Variants in NRXN1 observed in about 807,000 individuals in gnomAD.
NRXN1 encodes neurexin 1.
Under a neutral mutation model 150.9 loss-of-function variants are expected in NRXN1, and 39 were observed. The observed-to-expected ratio is 0.26, with a 90% CI of 0.20 to 0.34. The LOEUF is 0.34. Among genes scored for constraint, NRXN1 ranks in the 10% least tolerant of loss-of-function variants. NRXN1 has a pLI of 1.00. For synonymous variants in NRXN1, 924 were observed against 757.0 expected, an observed-to-expected ratio of 1.22 and a Z score of -3.62; for missense variants, 1,815 against 1,949.9, an observed-to-expected ratio of 0.93 and a Z score of 1.30.
chr2:50,977,184 A>G (rs1234900913), intron 2 of NRXN1, among the ~76,000 whole-genome samples: 1 of 151,958 alleles, frequency 6.6e-6, no homozygotes, highest in Non-Finnish European at 1.5e-5. Flanking sequence ...TAAAAAGAAA[A>G]GGAAAGAGAA....
At chr2:50,684,638 G>A (rs1321477296) in intron 5 of NRXN1, among the ~76,000 whole-genome samples, 2 of 152,114 alleles carry the variant, frequency 1.3e-5, no homozygotes, top group Non-Finnish European at 2.9e-5. Context: ...CCTCGAAGGT[G>A]GCCATAAATT....
chr2:50,230,082 T>C (rs1284527739), intron 18 of NRXN1, among the ~76,000 whole-genome samples: 6 of 152,050 alleles, frequency 3.9e-5, no homozygotes, highest in Non-Finnish European at 8.8e-5. Context: ...GGTAATGTCC[T>C]AGGAATTGTT....
chr2:50,930,894 C>T (rs534427965), intron 2 of NRXN1, among the ~76,000 whole-genome samples: 2 of 152,280 alleles, frequency 1.3e-5, no homozygotes, highest in South Asian at 4.1e-4. Context: ...CTCAGGTGAG[C>T]AGTGCTTTCC....
chr2:50,588,982 T>C (rs528403392), intron 8 of NRXN1: 4 of 152,262 alleles, frequency 2.6e-5, no homozygotes, highest in African/African-American at 9.6e-5. Context: ...TATACCCGAA[T>C]GGTTCTTTTT....
intron 19 of NRXN1, among the ~76,000 whole-genome samples, chr2:50,060,627 C>G (rs376446490): frequency 2.8e-4 from 43 of 152,192 alleles, no homozygotes; most frequent in African/African-American, 1.0e-3. Context: ...CCCATAATCC[C>G]CATGTGTCAT....
At chr2:50,215,565 T>C (rs1481711270) in intron 18 of NRXN1, among the ~76,000 whole-genome samples, 1 of 152,048 alleles carries the variant, frequency 6.6e-6, no homozygotes. Context: ...TATCCTTTTA[T>C]TAGTCATGCC....
chr2:50,411,812 G>T (rs1163003265), intron 17 of NRXN1, among the ~76,000 whole-genome samples: 2 of 152,250 alleles, frequency 1.3e-5, no homozygotes, highest in African/African-American at 4.8e-5. Flanking sequence ...CGTCCCGGAG[G>T]TGTACCCAAC....
chr2:50,449,968 C>T (rs905031429), intron 17 of NRXN1, among the ~76,000 whole-genome samples: 13 of 152,288 alleles, frequency 8.5e-5, no homozygotes, highest in Admixed American at 3.9e-4. Context: ...TCTATGGCCA[C>T]ACAGATGCCA....
chr2:50,396,409 T>C (rs2082053483), intron 17 of NRXN1, among the ~76,000 whole-genome samples: 1 of 152,196 alleles, frequency 6.6e-6, no homozygotes, highest in Non-Finnish European at 1.5e-5. Context: ...TATTTTTAGA[T>C]AGCTACACAT....
At chr2:50,493,809 C>T (rs1035226682) in intron 15 of NRXN1, among the ~76,000 whole-genome samples, 1 of 152,198 alleles carries the variant, frequency 6.6e-6, no homozygotes, top group Non-Finnish European at 1.5e-5. Flanking sequence ...AGCCCCTTCA[C>T]ATGGGAAATT....
chr2:50,529,365 A>T (rs1194652352), intron 11 of NRXN1, among the ~76,000 whole-genome samples: 3 of 152,092 alleles, frequency 2.0e-5, no homozygotes, highest in African/African-American at 7.2e-5. Flanking sequence ...CTGTGTAATA[A>T]GTGTCGTGGT....
chr2:50,678,934 G>A (rs777394316), intron 5 of NRXN1, among the ~76,000 whole-genome samples: 19 of 151,990 alleles, frequency 1.3e-4, no homozygotes, highest in South Asian at 6.2e-4. Flanking sequence ...ATGAGACTAT[G>A]GACTGCACAG....
intron 5 of NRXN1, among the ~76,000 whole-genome samples, chr2:50,774,275 T>G (rs1341401683): frequency 6.6e-6 from 1 of 152,120 alleles, no homozygotes; most frequent in Admixed American, 6.5e-5. Context: ...CCAAACTTAC[T>G]AAAAAGCCCC....
intron 17 of NRXN1, among the ~76,000 whole-genome samples, chr2:50,407,818 T>C (rs528530958): frequency 6.6e-6 from 1 of 152,230 alleles, no homozygotes; most frequent in East Asian, 1.9e-4. Flanking sequence ...CGGTAAGAAA[T>C]ATATTCCATT....
intron 17 of NRXN1, among the ~76,000 whole-genome samples, chr2:50,449,620 A>G (rs757245328): frequency 4.6e-5 from 7 of 152,142 alleles, no homozygotes; most frequent in Admixed American, 6.5e-5. Flanking sequence ...ACCACATTAA[A>G]TTTCAACTTT....
chr2:50,570,428 T>A (rs1670498046), intron 8 of NRXN1, among the ~76,000 whole-genome samples: 1 of 152,154 alleles, frequency 6.6e-6, no homozygotes, highest in Non-Finnish European at 1.5e-5. Flanking sequence ...TAATTTCTTA[T>A]AAGTATCGTA....
chr2:50,254,328 A>G (rs71462665), intron 17 of NRXN1, among the ~76,000 whole-genome samples: 23 of 147,722 alleles, frequency 1.6e-4, no homozygotes, highest in African/African-American at 5.8e-4. Flanking sequence ...TCTAGCTATC[A>G]GTCTATCTGT....
chr2:50,872,670 A>G (rs952400376), intron 5 of NRXN1, among the ~76,000 whole-genome samples: 2 of 151,798 alleles, frequency 1.3e-5, no homozygotes, highest in Non-Finnish European at 1.5e-5. Flanking sequence ...TGAAAATCTC[A>G]GGCCTGATGC....
At chr2:50,110,873 G>A (rs1036383646) in intron 18 of NRXN1, among the ~76,000 whole-genome samples, 1 of 152,092 alleles carries the variant, frequency 6.6e-6, no homozygotes, top group African/African-American at 2.4e-5. Flanking sequence ...GAAAGTTTAA[G>A]AGAATGCCCA....
Sources: gnomAD v4.1 joint callset for allele counts (sites outside exome capture counted in the v4.1 genomes callset) on GRCh38, gnomAD v4.1.1 for gene constraint, MANE v1.5 for transcripts, NCBI Gene and HGNC (gene_info 2026-07-23, HGNC 2026-07-21) for gene names.